The following EYS variants were observed in gnomAD, a reference collection of about 807,000 sequenced individuals.
EYS encodes protein eyes shut homolog.
In EYS, 250 loss-of-function variants were observed where a neutral mutation model predicts 282.1. The ratio of observed to expected loss-of-function variants is 0.89; its 90% CI spans 0.80 to 0.98. The LOEUF is 0.98. Among genes scored for constraint, EYS ranks in the 50% least tolerant of loss-of-function variants. The pLI, the probability that EYS is intolerant of heterozygous loss-of-function variation, is 0.00. For missense variants in EYS, 4,016 were observed against 3,709.0 expected, an observed-to-expected ratio of 1.08 and a Z score of -2.15; for synonymous variants, 1,355 against 1,282.9, an observed-to-expected ratio of 1.06 and a Z score of -1.20.
At chr6:64,313,733 AT>A (rs1300683461) in intron 29 of EYS, among the ~76,000 whole-genome samples, 1 of 152,162 alleles carries the variant, frequency 6.6e-6, no homozygotes, top group African/African-American at 2.4e-5. Flanking sequence ...AAAGAAAAGA[AT>A]TTTCAGTCGA....
chr6:65,654,784 G>A (rs565714359), intron 1 of EYS, among the ~76,000 whole-genome samples: 3 of 151,516 alleles, frequency 2.0e-5, no homozygotes, highest in African/African-American at 4.8e-5. Flanking sequence ...TGAGATCACC[G>A]AAAGAAATGA....
At chr6:64,823,286 AC>A (rs1312919302) in intron 19 of EYS, among the ~76,000 whole-genome samples, 2 of 151,862 alleles carry the variant, frequency 1.3e-5, no homozygotes, top group African/African-American at 2.4e-5. Context: ...TTGGCTAAAT[AC>A]CTGGGATTTT....
intron 2 of EYS, among the ~76,000 whole-genome samples, chr6:65,615,795 G>A (rs1186620089): frequency 2.0e-5 from 3 of 151,832 alleles, no homozygotes; most frequent in African/African-American, 7.2e-5. Flanking sequence ...TTAGCCGGTC[G>A]TGGTGGCGGG....
At chr6:65,624,088 T>C (rs991413390) in intron 2 of EYS, among the ~76,000 whole-genome samples, 1 of 152,190 alleles carries the variant, frequency 6.6e-6, no homozygotes, top group Non-Finnish European at 1.5e-5. Flanking sequence ...CAATATCTCA[T>C]ATTACAGTTC....
intron 22 of EYS, among the ~76,000 whole-genome samples, chr6:64,805,301 C>T (rs1583176302): frequency 1.3e-5 from 2 of 152,030 alleles, no homozygotes; most frequent in East Asian, 3.9e-4. Context: ...GTTGAGCAAA[C>T]ACTATTTGTG....
intron 1 of EYS, among the ~76,000 whole-genome samples, chr6:65,675,254 T>G (rs760700539): frequency 7.3e-5 from 11 of 151,698 alleles, no homozygotes; most frequent in Non-Finnish European, 1.5e-4. Context: ...TAATAAGTCT[T>G]TATCAATAAA....
At chr6:64,219,341 CAAACT>C (rs1766021527) in intron 31 of EYS, among the ~76,000 whole-genome samples, 1 of 152,092 alleles carries the variant, frequency 6.6e-6, no homozygotes, top group East Asian at 1.9e-4. Flanking sequence ...CAGGTTGTCA[CAAACT>C]AAGAGGGTAG....
chr6:65,402,966 C>T (rs947107272), intron 6 of EYS, among the ~76,000 whole-genome samples: 3 of 152,012 alleles, frequency 2.0e-5, no homozygotes, highest in Admixed American at 2.0e-4. Flanking sequence ...TCTCAGGAAG[C>T]GCAGGCCACA....
chr6:65,659,703 A>C (rs904247750), intron 1 of EYS, among the ~76,000 whole-genome samples: 1 of 114,294 alleles, frequency 8.7e-6, no homozygotes, highest in Admixed American at 9.2e-5. Context: ...TATGCTTTCT[A>C]TTTCTTTTTT....
rs1320798098 is a variant in EYS at position 64,456,153 on chromosome 6, G to C, written c.5645-16801C>G. On this transcript the variant is annotated intron_variant, in intron 26 of 42. Coordinates refer to ENST00000503581, the MANE Select transcript of EYS (RefSeq NM_001142800.2). ...TTTGGTAACACAAATTTGTGTAAGA[G>C]TTTTAGTTGACCCACCACTCAAATT... Among the ~76,000 whole-genome samples, 3 of 152,142 alleles carry C rather than the reference G, an allele frequency of 2.0e-5. No individual in the cohort carries two copies. The East Asian group carries it at 5.8e-4, about 29-fold the overall frequency.
At chr6:65,229,325 C>G (rs1389630202) in intron 12 of EYS, among the ~76,000 whole-genome samples, 1 of 151,664 alleles carries the variant, frequency 6.6e-6, no homozygotes, top group African/African-American at 2.4e-5. Context: ...TTTTAGAAAA[C>G]AACTTTTTCG....
At chr6:65,138,056 A>T (rs576715071) in intron 12 of EYS, among the ~76,000 whole-genome samples, 1 of 152,090 alleles carries the variant, frequency 6.6e-6, no homozygotes, top group Non-Finnish European at 1.5e-5. Context: ...TGAACCACTG[A>T]AAAAGACTGA....
chr6:65,186,646 T>C lies in EYS; in HGVS notation c.2023+109217A>G, dbSNP rs543211898. Among the ~76,000 whole-genome samples, 89 of 151,926 alleles carry C rather than the reference T, an allele frequency of 5.9e-4. 2 individuals are homozygous for C. In the South Asian group the frequency reaches 0.017, roughly 29 times the overall value. On this transcript the variant is annotated intron_variant, in intron 12 of 42. Transcript: ENST00000503581. The stretch of plus-strand genomic sequence containing the variant: ...CTAAGAATTATGGATCATTTCAAAT[T>C]CATAAACATAAATATCTACTTTAAA...
At chr6:63,769,729 A>G (rs1428591298) in intron 40 of EYS, among the ~76,000 whole-genome samples, 10 of 152,206 alleles carry the variant, frequency 6.6e-5, no homozygotes, top group East Asian at 3.9e-4. Flanking sequence ...TTGCAGATAA[A>G]TTGTTTAGTT....
chr6:65,095,917 A>G (rs1774725844), intron 12 of EYS, among the ~76,000 whole-genome samples: 1 of 151,060 alleles, frequency 6.6e-6, no homozygotes, highest in Non-Finnish European at 1.5e-5. Context: ...CACAACTTCC[A>G]TTCAACATAG....
chr6:65,199,992 C>T (rs958393597), intron 12 of EYS, among the ~76,000 whole-genome samples: 2 of 151,942 alleles, frequency 1.3e-5, no homozygotes, highest in Non-Finnish European at 2.9e-5. Flanking sequence ...AGAGAGAATA[C>T]TCTGTTATCT....
intron 18 of EYS, among the ~76,000 whole-genome samples, chr6:64,894,937 A>G (rs551258733): frequency 6.6e-4 from 101 of 152,244 alleles, no homozygotes; most frequent in African/African-American, 1.9e-3. Context: ...TAATAGGACA[A>G]TTTTTACATT....
At position 65,494,747 on chromosome 6, in the gene EYS, A is replaced by G; in HGVS notation, c.664T>C (p.Cys222Arg). The G allele has an allele frequency of 3.1e-6, 5 of 1,613,760 alleles. No individual in the cohort carries two copies. Among genetic ancestry groups the G allele is most frequent in the Non-Finnish European group, 2.5e-6 (3 of 1,179,820 alleles). The change falls in exon 4 of 43, where the codon TGT (cysteine) becomes CGT (arginine). Residue 222 changes from cysteine (C) to arginine (R), a missense_variant. Transcript: ENST00000503581. ...QELDACSFKPCKNNGSCINKR... is the reference protein window; with the variant it reads ...QELDACSFKPRKNNGSCINKR... ...TTAATGCAACTGCCATTATTTTTAC[A>G]TGGTTTAAAAGAACATGCATCAAGT...
intron 35 of EYS, among the ~76,000 whole-genome samples, chr6:63,939,566 A>G (rs1292777684): frequency 6.6e-6 from 1 of 152,210 alleles, no homozygotes; most frequent in Non-Finnish European, 1.5e-5. Flanking sequence ...ATATAAAAAT[A>G]TAGCAGACCC....
Sources: gnomAD v4.1 joint callset for allele counts (sites outside exome capture counted in the v4.1 genomes callset) on GRCh38, gnomAD v4.1.1 for gene constraint, MANE v1.5 for transcripts, NCBI Gene and HGNC (gene_info 2026-07-23, HGNC 2026-07-21) for gene names.